NCBP2L: variants seen among roughly 807,000 people sequenced by gnomAD.
NCBP2L encodes nuclear cap-binding protein subunit 2-like.
For synonymous variants in NCBP2L, 39 were observed against 19.2 expected, an observed-to-expected ratio of 2.04 and a Z score of -2.70; for missense variants, 95 against 53.1, an observed-to-expected ratio of 1.79 and a Z score of -2.45.
In NCBP2L at chrX:107,782,224, T is replaced by A. The variant is rs868328707; in HGVS notation, c.-73+4366T>A. Among the ~76,000 whole-genome samples the A allele has an allele frequency of 7.0e-3, 111 of 15,865 alleles. 3 individuals are homozygous for A. The highest frequency in any genetic ancestry group is 0.027 in the African/African-American group (72 of 2,707). The allele number at this position is 15,865 out of a possible 115,157, so 13.8% of individuals were successfully genotyped here. ...ATATATATATAAATATATATATAAA[T>A]ATATATATATAAATATATATATATA... On this transcript the variant is annotated intron_variant, in intron 1 of 1. Transcript: ENST00000509000.
In NCBP2L at chrX:107,791,570, C is replaced by T. The variant is rs775256741; in HGVS notation, c.-72-2579C>T. ...CTTACATTTATTCTTAAGTACTATC[C>T]ATCAATTATCTTGTCAATTTGGGCT... On this transcript the variant is annotated intron_variant, in intron 1 of 1. Transcript: ENST00000509000. Among the ~76,000 whole-genome samples, 3 of 112,419 alleles carry T rather than the reference C, an allele frequency of 2.7e-5. No homozygotes were observed. In the East Asian group the frequency reaches 8.4e-4, roughly 32 times the overall value.
intron 1 of NCBP2L, among the ~76,000 whole-genome samples, chrX:107,788,247 A>G (rs1222511977): frequency 9.0e-6 from 1 of 111,660 alleles, no homozygotes; most frequent in Admixed American, 9.5e-5. Flanking sequence ...CTTGGGGGTG[A>G]CCCTTCTAAC....
chrX:107,782,367 AAAT>A (rs1930334910), intron 1 of NCBP2L, among the ~76,000 whole-genome samples: 5 of 46,956 alleles, frequency 1.1e-4, no homozygotes, highest in African/African-American at 1.7e-4. Flanking sequence ...ATATATATAT[AAAT>A]ATATATATAT....
At chrX:107,783,372 T>TA (rs1174435958) in intron 1 of NCBP2L, among the ~76,000 whole-genome samples, 26 of 90,816 alleles carry the variant, frequency 2.9e-4, no homozygotes, top group Admixed American at 5.9e-4. Context: ...TTTTTTTTTT[T>TA]TTTTTTTATT....
chrX:107,787,007 CAG>C (rs1930398249), intron 1 of NCBP2L, among the ~76,000 whole-genome samples: 1 of 111,933 alleles, frequency 8.9e-6, no homozygotes. Flanking sequence ...GAGGAAGGGA[CAG>C]AGAATTTTGT....
chrX:107,782,878 T>C (rs907079523), intron 1 of NCBP2L, among the ~76,000 whole-genome samples: 1 of 108,085 alleles, frequency 9.3e-6, no homozygotes, highest in African/African-American at 3.4e-5. Context: ...ATAATATACA[T>C]ATATACACAT....
At chrX:107,778,392 T>C (rs1018148249) in intron 1 of NCBP2L, among the ~76,000 whole-genome samples, 22 of 112,381 alleles carry the variant, frequency 2.0e-4, no homozygotes, top group African/African-American at 6.8e-4. Context: ...AGCAGTATTG[T>C]TAATAATTCA....
chrX:107,784,247 A>T (rs1343178825), intron 1 of NCBP2L, among the ~76,000 whole-genome samples: 4 of 111,297 alleles, frequency 3.6e-5, no homozygotes, highest in Non-Finnish European at 7.5e-5. Flanking sequence ...TACTATGAGG[A>T]GTATGTAAGA....
intron 1 of NCBP2L, among the ~76,000 whole-genome samples, chrX:107,790,676 C>G (rs370748330): frequency 1.8e-5 from 2 of 111,848 alleles, no homozygotes; most frequent in East Asian, 5.6e-4. Flanking sequence ...CAAAATTGGA[C>G]TCAGACTATG....
rs182505168 is a variant in NCBP2L at position 107,779,091 on chromosome X, C to T, written c.-73+1233C>T. 2.7e-5 allele frequency among the ~76,000 whole-genome samples: 3 copies of T among 111,586 alleles called. No individual in the cohort carries two copies. In the East Asian group the frequency reaches 8.4e-4, roughly 31 times the overall value. ...TGATATCCGGGTGTGGATTACAAAG[C>T]AGTTCAGTGTTACTGGAGAATAAAA... is the stretch of plus-strand genomic sequence containing the variant. On this transcript the variant is annotated intron_variant, in intron 1 of 1. Coordinates refer to ENST00000509000, the MANE Select transcript of NCBP2L (RefSeq NM_001348372.2).
At chrX:107,792,655 G>A (rs1930468305) in intron 1 of NCBP2L, among the ~76,000 whole-genome samples, 1 of 111,251 alleles carries the variant, frequency 9.0e-6, no homozygotes, top group Non-Finnish European at 1.9e-5. Context: ...CCCTCTGCCT[G>A]GTTCATTCCC....
rs148262301 is a variant in NCBP2L at position 107,790,568 on chromosome X, A to T, written c.-72-3581A>T. 2.4e-3 allele frequency among the ~76,000 whole-genome samples: 267 copies of T among 110,928 alleles called. 2 individuals carry two copies. The highest frequency in any genetic ancestry group is 8.6e-3 in the African/African-American group (262 of 30,419). Reference sequence around the variant, plus strand: ...ATTTTCTTTGCCCAAATAACGTCAGACTGAACACCCCCCATCACGCCTTCA... The same window carrying T: ...ATTTTCTTTGCCCAAATAACGTCAGTCTGAACACCCCCCATCACGCCTTCA... On this transcript the variant is annotated intron_variant, in intron 1 of 1. Coordinates refer to ENST00000509000, the MANE Select transcript of NCBP2L (RefSeq NM_001348372.2).
chrX:107,781,466 C>T (rs1335181897), intron 1 of NCBP2L, among the ~76,000 whole-genome samples: 5 of 96,161 alleles, frequency 5.2e-5, no homozygotes, highest in African/African-American at 8.5e-5. Flanking sequence ...CCACCACGCC[C>T]GGCTAATTTT....
chrX:107,788,321 A>G (rs1930410168), intron 1 of NCBP2L, among the ~76,000 whole-genome samples: 2 of 112,357 alleles, frequency 1.8e-5, no homozygotes, highest in Non-Finnish European at 3.8e-5. Flanking sequence ...TTCACATTCT[A>G]TCACTGGATG....
chrX:107,781,709 T>C (rs1441482073), intron 1 of NCBP2L, among the ~76,000 whole-genome samples: 1 of 91,172 alleles, frequency 1.1e-5, no homozygotes, highest in Non-Finnish European at 2.1e-5. Flanking sequence ...TATATATATA[T>C]AGATCTATAG....
At chrX:107,781,692 C>CTCTCTATATATATATATA (rs1395038482) in intron 1 of NCBP2L, among the ~76,000 whole-genome samples, 5 of 66,915 alleles carry the variant, frequency 7.5e-5, no homozygotes, top group South Asian at 6.7e-4. Context: ...CTCTCTCTCT[C>CTCTCTATATATATATATA]TATATATATA....
intron 1 of NCBP2L, among the ~76,000 whole-genome samples, chrX:107,791,890 G>T (rs1175428938): frequency 8.9e-6 from 1 of 112,006 alleles, no homozygotes; most frequent in East Asian, 2.8e-4. Context: ...CTAGTAAATG[G>T]TGAAGTTGAG....
At chrX:107,785,943 A>G (rs1003789390) in intron 1 of NCBP2L, among the ~76,000 whole-genome samples, 1 of 109,885 alleles carries the variant, frequency 9.1e-6, no homozygotes, top group Non-Finnish European at 1.9e-5. Flanking sequence ...GTAGATCCCA[A>G]GCTACCGATT....
Position 107,795,016 on chromosome X carries a change from G to GC in NCBP2L, c.*337dup, listed in dbSNP as rs752092038. On this transcript the variant is annotated 3_prime_UTR_variant, in exon 2 of 2. Coordinates refer to ENST00000509000, the MANE Select transcript of NCBP2L (RefSeq NM_001348372.2). ...TGGATTCTATGGCCATGTTCCTGCA[G>GC]CCCAAAATTATAATTTTTTTTAGAG... 1 of 125,031 alleles carries GC rather than the reference G, an allele frequency of 8.0e-6. No individual in the cohort carries two copies. The highest frequency in any genetic ancestry group is 2.3e-4 in the East Asian group (1 of 4,310). The allele number at this position is 125,031 out of a possible 1,213,427, so 10.3% of individuals were successfully genotyped here. A position where few individuals can be genotyped will look rare whatever the true frequency, so the allele number is the denominator to read the frequency against.
Sources: allele counts gnomAD v4.1 joint callset (sites outside exome capture counted in the v4.1 genomes callset), GRCh38; gene constraint gnomAD v4.1.1; transcripts MANE v1.5; gene names NCBI Gene and HGNC (gene_info 2026-07-23, HGNC 2026-07-21).